Variants in KIF16B observed in about 807,000 individuals in gnomAD.
KIF16B encodes kinesin family member 16B.
Under a neutral mutation model 156.3 loss-of-function variants are expected in KIF16B, and 98 were observed. That is an observed-to-expected ratio of 0.63 (90% CI 0.53 to 0.74). KIF16B has a LOEUF of 0.74. Among genes scored for constraint, KIF16B ranks in the 30% least tolerant of loss-of-function variants. KIF16B has a pLI of 0.00. For synonymous variants in KIF16B, 564 were observed against 583.7 expected (o/e 0.97, Z 0.49); for missense variants, 1,421 against 1,606.5 (o/e 0.88, Z 1.97).
chr20:16,416,751 G>C (rs1000974952), intron 15 of KIF16B, among the ~76,000 whole-genome samples: 2 of 151,930 alleles, frequency 1.3e-5, no homozygotes, highest in African/African-American at 2.4e-5. Context: ...AGAGTAGCAG[G>C]TGGATTGAAG....
chr20:16,533,881 A>C (rs778943556), intron 1 of KIF16B, among the ~76,000 whole-genome samples: 69 of 152,366 alleles, frequency 4.5e-4, no homozygotes, highest in Non-Finnish European at 7.3e-4. Context: ...TCTATTTCAG[A>C]AAAGAAATTT....
At chr20:16,545,510 C>G (rs1448229666) in intron 1 of KIF16B, among the ~76,000 whole-genome samples, 4 of 152,066 alleles carry the variant, frequency 2.6e-5, no homozygotes, top group Non-Finnish European at 4.4e-5. Context: ...ACTGAAAATA[C>G]AAAAATTAGC....
At chr20:16,564,269 CT>C (rs2071170979) in intron 1 of KIF16B, among the ~76,000 whole-genome samples, 1 of 152,162 alleles carries the variant, frequency 6.6e-6, no homozygotes, top group African/African-American at 2.4e-5. Context: ...GGAACTCAAC[CT>C]TTTTTATGGC....
intron 15 of KIF16B, 152 bp from the exon 16 acceptor site, chr20:16,406,608 G>A (rs2065793323): frequency 2.9e-6 from 2 of 699,120 alleles, no homozygotes; most frequent in Non-Finnish European, 4.8e-6. Flanking sequence ...GCTTACTTAA[G>A]ACAATTTCAA....
chr20:16,449,042 T>TAGGAGAA (rs2067010006), intron 12 of KIF16B, among the ~76,000 whole-genome samples: 2 of 151,826 alleles, frequency 1.3e-5, no homozygotes, highest in Admixed American at 6.6e-5. Context: ...AATGAAAGTG[T>TAGGAGAA]CAAGAATAAA....
chr20:16,428,611 T>C (rs1568970913), intron 14 of KIF16B, among the ~76,000 whole-genome samples: 2 of 152,180 alleles, frequency 1.3e-5, no homozygotes, highest in Non-Finnish European at 2.9e-5. Flanking sequence ...TGTCTGTTGG[T>C]ATATTTCCAT....
intron 12 of KIF16B, among the ~76,000 whole-genome samples, chr20:16,491,843 C>T (rs550156594): frequency 6.6e-6 from 1 of 152,158 alleles, no homozygotes; most frequent in African/African-American, 2.4e-5. Context: ...ATTCCACTCA[C>T]GCAGGGCAAG....
At chr20:16,506,240 G>A (rs752283803) in intron 7 of KIF16B, 50 bp from the exon 8 acceptor site, 1 of 1,451,128 alleles carries the variant, frequency 6.9e-7, no homozygotes, top group South Asian at 1.1e-5. Flanking sequence ...GGGCCCTGAT[G>A]TTGTTGATGA....
chr20:16,546,252 A>G (rs1232788366), intron 1 of KIF16B, among the ~76,000 whole-genome samples: 2 of 152,202 alleles, frequency 1.3e-5, no homozygotes, highest in African/African-American at 4.8e-5. Context: ...TGGTGTACTA[A>G]TTACACAGCA....
intron 25 of KIF16B, among the ~76,000 whole-genome samples, chr20:16,279,193 G>A (rs955147054): frequency 1.3e-5 from 2 of 152,064 alleles, no homozygotes; most frequent in African/African-American, 4.8e-5. Flanking sequence ...TGGTTAACTG[G>A]TTGACTTAAG....
At chr20:16,543,026 C>T (rs548062034) in intron 1 of KIF16B, among the ~76,000 whole-genome samples, 1 of 152,240 alleles carries the variant, frequency 6.6e-6, no homozygotes, top group East Asian at 1.9e-4. Context: ...TTCCCCAGGC[C>T]TGCTGACAAA....
chr20:16,438,559 C>T (rs536777945), intron 12 of KIF16B, among the ~76,000 whole-genome samples: 11 of 152,136 alleles, frequency 7.2e-5, no homozygotes, highest in Admixed American at 3.3e-4. Context: ...TGCAGACAAG[C>T]GGGGGCCTAT....
At chr20:16,330,879 T>C (rs540652940) in intron 24 of KIF16B, among the ~76,000 whole-genome samples, 89 of 152,374 alleles carry the variant, frequency 5.8e-4, no homozygotes, top group Non-Finnish European at 1.1e-3. Flanking sequence ...CACGGGATTC[T>C]AGGCCAGAGT....
At chr20:16,431,934 A>ACACACACACG (rs2066513899) in intron 12 of KIF16B, among the ~76,000 whole-genome samples, 1 of 149,974 alleles carries the variant, frequency 6.7e-6, no homozygotes, top group Admixed American at 6.7e-5. Context: ...ACACACACAC[A>ACACACACACG]CACACGCACA....
rs2066741059 is a variant in KIF16B at position 16,439,656 on chromosome 20, C to G, written c.1303-9674G>C. ...TTTGCACTGCTGACAAAGACATGCC[C>G]AAGACTGGGAAGAAAGAGGTTTGAA... is the stretch of plus-strand genomic sequence containing the variant. On this transcript the variant is annotated intron_variant, in intron 12 of 25. Transcript: ENST00000354981. Among the ~76,000 whole-genome samples the G allele has an allele frequency of 2.0e-5, 3 of 152,110 alleles. No individual in the cohort carries two copies. In the South Asian group the frequency reaches 6.2e-4, roughly 32 times the overall value.
At chr20:16,345,696 G>C (rs144896975) in intron 23 of KIF16B, among the ~76,000 whole-genome samples, 79 of 152,304 alleles carry the variant, frequency 5.2e-4, no homozygotes, top group African/African-American at 1.8e-3. Flanking sequence ...CTGCCTTTAG[G>C]AGGGTGGGTC....
chr20:16,485,348 G>GA (rs199554620), intron 12 of KIF16B, among the ~76,000 whole-genome samples: 2,988 of 152,152 alleles, frequency 0.02, 100 homozygotes, highest in African/African-American at 0.069. Flanking sequence ...TTGTTCTATA[G>GA]AAAAAAACCT....
At chr20:16,494,412 T>C (rs2068387369) in intron 11 of KIF16B, 62 bp from the exon 12 acceptor site, 2 of 1,090,270 alleles carry the variant, frequency 1.8e-6, no homozygotes. Flanking sequence ...TTTCTTCTAG[T>C]TTCCGAACTC....
chr20:16,462,241 C>CA (rs71192335), intron 12 of KIF16B, among the ~76,000 whole-genome samples: 49,720 of 147,758 alleles, frequency 0.34, 9,126 homozygotes, highest in African/African-American at 0.49. Flanking sequence ...AACTCCATCT[C>CA]AAAAAAAAAA....
Sources: gnomAD v4.1 joint callset for allele counts (sites outside exome capture counted in the v4.1 genomes callset) on GRCh38, gnomAD v4.1.1 for gene constraint, MANE v1.5 for transcripts, NCBI Gene and HGNC (gene_info 2026-07-23, HGNC 2026-07-21) for gene names.